CALCR: variants seen among roughly 807,000 people sequenced by gnomAD.
CALCR encodes calcitonin receptor.
Under a neutral mutation model 59.5 loss-of-function variants are expected in CALCR, and 47 were observed. The observed-to-expected ratio is 0.79, with a 90% CI of 0.63 to 1.01. The LOEUF is 1.01. Ranked by LOEUF, CALCR falls within the 50% of genes least tolerant of loss-of-function variation. The pLI is 0.00. For synonymous variants in CALCR, 213 were observed against 211.3 expected (o/e 1.01, Z -0.07); for missense variants, 566 against 597.1 (o/e 0.95, Z 0.54).
At chr7:93,508,103 T>C (rs921970730) in intron 2 of CALCR, among the ~76,000 whole-genome samples, 1 of 152,214 alleles carries the variant, frequency 6.6e-6, no homozygotes, top group Non-Finnish European at 1.5e-5. Context: ...CAGAGAATCT[T>C]ATGAAAACAT....
intron 13 of CALCR, among the ~76,000 whole-genome samples, chr7:93,429,570 A>G (rs17165400): frequency 0.062 from 9,478 of 152,272 alleles, 435 homozygotes; most frequent in Admixed American, 0.14. Flanking sequence ...AAGCTTTGTA[A>G]TATTTGGCCT....
At chr7:93,546,924 T>C (rs998914650) in intron 2 of CALCR, among the ~76,000 whole-genome samples, 2 of 152,116 alleles carry the variant, frequency 1.3e-5, no homozygotes, top group African/African-American at 4.8e-5. Context: ...TTGGGTTCTC[T>C]TCCTCAAGAT....
intron 2 of CALCR, among the ~76,000 whole-genome samples, chr7:93,572,107 A>G (rs1453623185): frequency 7.9e-5 from 12 of 152,206 alleles, no homozygotes; most frequent in Admixed American, 5.2e-4. Context: ...TGGATAAAAA[A>G]TGTTTTTCCG....
chr7:93,485,574 C>A (rs934987164), intron 3 of CALCR, among the ~76,000 whole-genome samples: 21 of 151,508 alleles, frequency 1.4e-4, no homozygotes, highest in African/African-American at 5.1e-4. Context: ...CTTAGGATTT[C>A]ATTTGAGCTA....
chr7:93,515,636 TTGAG>T (rs1801634723), intron 2 of CALCR, among the ~76,000 whole-genome samples: 1 of 152,008 alleles, frequency 6.6e-6, no homozygotes, highest in African/African-American at 2.4e-5. Flanking sequence ...TTTTTCACAA[TTGAG>T]TGTCTCAAAA....
chr7:93,487,311 G>C (rs1800967835), intron 2 of CALCR, among the ~76,000 whole-genome samples: 1 of 151,338 alleles, frequency 6.6e-6, no homozygotes, highest in Non-Finnish European at 1.5e-5. Flanking sequence ...GTCAGCTTCA[G>C]TTAACATGTG....
intron 9 of CALCR, among the ~76,000 whole-genome samples, chr7:93,438,822 C>A (rs958855071): frequency 3.3e-5 from 5 of 152,026 alleles, no homozygotes; most frequent in Non-Finnish European, 7.4e-5. Flanking sequence ...AGTACATTCC[C>A]TACCTTCTGT....
At position 93,438,069 on chromosome 7, in the gene CALCR, C is replaced by T. The variant is rs145012350; in HGVS notation, c.921G>A (p.Ala307=). 8.5e-4 allele frequency: 1,368 copies of T among 1,613,204 alleles called. 15 individuals carry two copies. In the African/African-American group the frequency reaches 0.016, roughly 19 times the overall value. Residue 307 remains alanine, a synonymous_variant, in exon 11 of 14, where the codon GCG becomes GCA. Transcript: ENST00000426151. ...LLYIIHGPVM[A]ALVVNFFFLL... ...AAAAACTAATTCTCACCACAAGTGC[C>T]GCCATGACAGGTCCATGGATTATGT...
At chr7:93,537,892 C>T (rs1789034302) in intron 2 of CALCR, among the ~76,000 whole-genome samples, 2 of 151,850 alleles carry the variant, frequency 1.3e-5, no homozygotes, top group Admixed American at 1.3e-4. Context: ...GGTCCCAAGA[C>T]AATGTATTTT....
In CALCR at chr7:93,487,899, T is replaced by C. The variant is rs138395210; in HGVS notation, c.-26-892A>G. On this transcript the variant is annotated intron_variant, in intron 2 of 13. Transcript: ENST00000426151. ...CTGGCCAACATGCAAATTCAGGAAATACAGAGAACACCACTAAGATATTTC... is the reference window on the plus strand; with the variant it reads ...CTGGCCAACATGCAAATTCAGGAAACACAGAGAACACCACTAAGATATTTC... Among the ~76,000 whole-genome samples the C allele has an allele frequency of 4.8e-3, 730 of 151,570 alleles. 4 individuals are homozygous for C. Among genetic ancestry groups the C allele is most frequent in the Non-Finnish European group, 7.1e-3 (484 of 67,700 alleles).
chr7:93,505,600 C>T (rs527468568), intron 2 of CALCR, among the ~76,000 whole-genome samples: 1 of 152,274 alleles, frequency 6.6e-6, no homozygotes, highest in East Asian at 1.9e-4. Context: ...ACCCTGTCTC[C>T]TTCCTTCAGG....
intron 2 of CALCR, among the ~76,000 whole-genome samples, chr7:93,513,874 A>G (rs1801600375): frequency 6.6e-6 from 1 of 151,900 alleles, no homozygotes; most frequent in East Asian, 1.9e-4. Context: ...ATAAATATAT[A>G]GATACTTCAT....
chr7:93,565,108 C>G (rs1789835044), intron 2 of CALCR, among the ~76,000 whole-genome samples: 1 of 152,170 alleles, frequency 6.6e-6, no homozygotes, highest in African/African-American at 2.4e-5. Context: ...ACATATTTTT[C>G]TGCATTTGCT....
intron 2 of CALCR, among the ~76,000 whole-genome samples, chr7:93,494,401 T>C (rs1224707717): frequency 1.3e-5 from 2 of 151,350 alleles, no homozygotes; most frequent in Non-Finnish European, 3.0e-5. Flanking sequence ...ACACATGACA[T>C]TTACACATGT....
intron 2 of CALCR, among the ~76,000 whole-genome samples, chr7:93,508,246 C>CA (rs1801470314): frequency 6.6e-6 from 1 of 151,896 alleles, no homozygotes; most frequent in South Asian, 2.1e-4. Flanking sequence ...CAAACAAAAA[C>CA]AAAAACAAAA....
intron 7 of CALCR, among the ~76,000 whole-genome samples, chr7:93,464,676 C>T (rs1800405234): frequency 6.6e-6 from 1 of 151,870 alleles, no homozygotes; most frequent in South Asian, 2.1e-4. Flanking sequence ...TTTCCTATTA[C>T]TACTGTTCTA....
Position 93,482,663 on chromosome 7 carries a change from T to C in CALCR, c.52-3156A>G, listed in dbSNP as rs1437934236. 9.7e-6 allele frequency: 4 copies of C among 414,358 alleles called. No individual in the cohort carries two copies. In the East Asian group the frequency reaches 2.8e-4, roughly 29 times the overall value. The allele number at this position is 414,358 out of a possible 1,614,324, so 25.7% of individuals were successfully genotyped here. On this transcript the variant is annotated intron_variant, in intron 3 of 13. Transcript: ENST00000426151. ...GAAAACCCTATGCTTGTATTTTCAATTATATTTTTATTTGCTTTAATGCAG... is the reference window on the plus strand; with the variant it reads ...GAAAACCCTATGCTTGTATTTTCAACTATATTTTTATTTGCTTTAATGCAG...
At chr7:93,460,719 C>A in intron 8 of CALCR, 102 bp downstream of exon 8, 1 of 788,336 alleles carries the variant, frequency 1.3e-6, no homozygotes, top group African/African-American at 1.8e-5. Context: ...TATGATTACA[C>A]ATGTAAACAG....
At chr7:93,549,020 A>T (rs930805550) in intron 2 of CALCR, among the ~76,000 whole-genome samples, 2 of 152,118 alleles carry the variant, frequency 1.3e-5, no homozygotes, top group African/African-American at 4.8e-5. Context: ...GTTGGATTTA[A>T]GTTATTTCCT....
Sources: allele counts gnomAD v4.1 joint callset (sites outside exome capture counted in the v4.1 genomes callset), GRCh38; gene constraint gnomAD v4.1.1; transcripts MANE v1.5; gene names NCBI Gene and HGNC (gene_info 2026-07-23, HGNC 2026-07-21).